Variants in PIGN observed in about 807,000 individuals in gnomAD.
PIGN encodes GPI ethanolamine phosphate transferase 1.
Under a neutral mutation model 125.4 loss-of-function variants are expected in PIGN, and 117 were observed. The ratio of observed to expected loss-of-function variants is 0.93; its 90% confidence interval spans 0.80 to 1.09. PIGN has a LOEUF of 1.09. Among genes scored for constraint, PIGN ranks in the 50% least tolerant of loss-of-function variants. PIGN has a pLI of 0.00. For synonymous variants in PIGN, 392 were observed against 377.8 expected, an observed-to-expected ratio of 1.04 and a Z score of -0.44; for missense variants, 1,075 against 1,094.9, an observed-to-expected ratio of 0.98 and a Z score of 0.26.
At chr18:62,081,423 G>A (rs1191167310) in intron 28 of PIGN, among the ~76,000 whole-genome samples, 1 of 152,104 alleles carries the variant, frequency 6.6e-6, no homozygotes, top group Non-Finnish European at 1.5e-5. Context: ...AATTTGATGA[G>A]TCAGTGTGAT....
rs1280082164 is a variant in PIGN at position 62,147,013 on chromosome 18, T to A, written c.763A>T (p.Thr255Ser). The part of the protein sequence containing the change: ...FNHFYGNDGK[T>S]TFIFTSDHGM... ...TGGTCAGAGGTAAAGATAAATGTTG[T>A]TTTCCCATCATTTCCATAGAAGTGG... The change falls in exon 9 of 31, where the codon ACA (threonine) becomes TCA (serine). Residue 255 changes from threonine to serine, a missense_variant. Thr to Ser is a moderately conservative substitution (Grantham distance 58). Coordinates refer to ENST00000640252, the MANE Select transcript of PIGN (RefSeq NM_176787.5). 1.2e-6 allele frequency: 2 copies of A among 1,612,236 alleles called. No homozygotes were observed. Among genetic ancestry groups the A allele is most frequent in the African/African-American group, 2.7e-5 (2 of 74,890 alleles).
In PIGN at chr18:62,161,167, C is replaced by T; in HGVS notation, c.187G>A (p.Asp63Asn). The change falls in exon 4 of 31, where the codon GAT (aspartate) becomes AAT (asparagine). Residue 63 changes from aspartate (D) to asparagine (N), a missense_variant. Physicochemically the swap from Asp to Asn is conservative, Grantham distance 23. Transcript: ENST00000640252. ...GGTGCTCTAGAGTTTCCATTTTCAT[C>T]TAATTCGTAAAGTGCATCTGCTCGA... Reference protein sequence around the residue: ...GLRADALYELDENGNSRAPFI... With the variant: ...GLRADALYELNENGNSRAPFI... 1.2e-6 allele frequency: 2 copies of T among 1,613,518 alleles called. No individual in the cohort carries two copies. The highest frequency in any genetic ancestry group is 1.7e-6 in the Non-Finnish European group (2 of 1,179,542).
intron 1 of PIGN, among the ~76,000 whole-genome samples, chr18:62,169,967 A>T (rs893057068): frequency 1.3e-5 from 2 of 152,154 alleles, no homozygotes; most frequent in Non-Finnish European, 2.9e-5. Context: ...GTTTTCCAAA[A>T]TTGTTGTACA....
chr18:62,109,810 A>C (rs1470387839), intron 17 of PIGN, 24 bp downstream of exon 17: 3 of 1,582,428 alleles, frequency 1.9e-6, no homozygotes, highest in Non-Finnish European at 2.6e-6. Context: ...GTGAAAAAAC[A>C]AGGCAGCAAG....
intron 30 of PIGN, chr18:62,051,876 T>C (rs1055314562): frequency 2.4e-4 from 36 of 152,104 alleles, no homozygotes; most frequent in Non-Finnish European, 1.9e-4. Flanking sequence ...GCTTTGAATG[T>C]GTCCCAGAGA....
At chr18:62,067,967 C>T (rs1326961699) in intron 30 of PIGN, among the ~76,000 whole-genome samples, 1 of 152,102 alleles carries the variant, frequency 6.6e-6, no homozygotes, top group South Asian at 2.1e-4. Flanking sequence ...ATTGCTGTGT[C>T]GTGTTTTAGG....
intron 23 of PIGN, among the ~76,000 whole-genome samples, chr18:62,031,608 A>G (rs1327266062): frequency 6.6e-6 from 1 of 152,216 alleles, no homozygotes; most frequent in Admixed American, 6.5e-5. Context: ...CCAAGGGGTC[A>G]GGGACCATCC....
intron 9 of PIGN, 74 bp from the exon 10 acceptor site, chr18:62,146,099 G>T: frequency 1.5e-6 from 1 of 660,898 alleles, no homozygotes; most frequent in Non-Finnish European, 2.5e-6. Flanking sequence ...TTTTAAAATA[G>T]TTTGTTTTAA....
intron 7 of PIGN, among the ~76,000 whole-genome samples, chr18:62,152,927 G>C (rs538802317): frequency 1.3e-5 from 2 of 151,880 alleles, no homozygotes; most frequent in South Asian, 2.1e-4. Context: ...CATGGATCTG[G>C]AAACTGTTTG....
At chr18:62,022,960 CTT>C (rs1230377183) in intron 23 of PIGN, among the ~76,000 whole-genome samples, 1 of 152,114 alleles carries the variant, frequency 6.6e-6, no homozygotes, top group Non-Finnish European at 1.5e-5. Context: ...CTTATAATGA[CTT>C]ATACAATGTA....
At chr18:62,122,882 T>C (rs1037042919) in intron 14 of PIGN, among the ~76,000 whole-genome samples, 1 of 152,160 alleles carries the variant, frequency 6.6e-6, no homozygotes, top group African/African-American at 2.4e-5. Context: ...AATGATAAAT[T>C]ATTCATCTAT....
chr18:62,105,575 C>T lies in PIGN; in HGVS notation c.1827G>A (p.Pro609=), dbSNP rs750102703. 24 of 1,553,540 alleles carry T rather than the reference C, an allele frequency of 1.5e-5. 1 individual carries two copies. Among genetic ancestry groups the T allele is most frequent in the Middle Eastern group, 3.3e-4 (2 of 6,004 alleles). Reference sequence around the variant, plus strand: ...AGATGTCTGGCTTTCGACCTACAACCGGCATCAGTGGGAACACTGCCAGGA... The same window carrying T: ...AGATGTCTGGCTTTCGACCTACAACTGGCATCAGTGGGAACACTGCCAGGA... ...SLLLAVFPLM[P]VVGRKPDISL... is the part of the protein sequence containing the mutation. Residue 609 remains proline (P), a synonymous_variant, in exon 20 of 31, where the codon CCG becomes CCA. Coordinates refer to ENST00000640252, the MANE Select transcript of PIGN (RefSeq NM_176787.5).
At position 62,147,080 on chromosome 18, in the gene PIGN, T is replaced by C. The variant is rs2036361581; in HGVS notation, c.696A>G (p.Lys232=). 6.2e-7 allele frequency: 1 copy of C among 1,604,320 alleles called. No homozygotes were observed. The highest frequency in any genetic ancestry group is 8.5e-7 in the Non-Finnish European group (1 of 1,172,154). The part of the protein sequence containing the change: ...PSSRDYKHNI[K]KVDDGVKEIV... Reference sequence around the variant, plus strand: ...TTTCTTTAACTCCATCATCAACTTTTTTAATATTGTGCTTGTAGTCTCTAT... The same window carrying C: ...TTTCTTTAACTCCATCATCAACTTTCTTAATATTGTGCTTGTAGTCTCTAT... Residue 232 remains lysine, a synonymous_variant, in exon 9 of 31, where the codon AAA becomes AAG. Coordinates refer to ENST00000640252, the MANE Select transcript of PIGN (RefSeq NM_176787.5).
chr18:62,044,462 T>G lies in PIGN; in HGVS notation c.*1394A>C, dbSNP rs2030519503. ...TTCTTAGTTGTCCAGCTAGATTTTA[T>G]GCTATGAACTGATGCATGAGATTTC... On this transcript the variant is annotated 3_prime_UTR_variant, in exon 31 of 31. Transcript: ENST00000640252. The G allele has an allele frequency of 6.6e-6, 1 of 152,232 alleles. No individual in the cohort carries two copies. The highest frequency in any genetic ancestry group is 1.5e-5 in the Non-Finnish European group (1 of 68,036). The allele number at this position is 152,232 out of a possible 1,614,324, so 9.4% of individuals were successfully genotyped here.
chr18:62,171,235 A>T (rs1302113455), intron 1 of PIGN, among the ~76,000 whole-genome samples: 2 of 152,128 alleles, frequency 1.3e-5, no homozygotes. Flanking sequence ...CCATCTTTAC[A>T]AATTTCATAT....
chr18:62,060,784 C>T (rs989671859), intron 30 of PIGN, among the ~76,000 whole-genome samples: 8 of 152,084 alleles, frequency 5.3e-5, no homozygotes, highest in East Asian at 1.9e-4. Flanking sequence ...GCATTGAGGA[C>T]GCAAATCTGA....
intron 17 of PIGN, 70 bp from the exon 18 acceptor site, chr18:62,107,155 C>T (rs996399345): frequency 6.3e-6 from 6 of 953,480 alleles, no homozygotes; most frequent in South Asian, 1.4e-5. Flanking sequence ...ACAAACTTTG[C>T]ACAAAGCTAA....
chr18:62,181,377 CT>C (rs1409948272), intron 1 of PIGN, among the ~76,000 whole-genome samples: 2 of 151,970 alleles, frequency 1.3e-5, no homozygotes, highest in Non-Finnish European at 2.9e-5. Context: ...CTTTTTTTTC[CT>C]GACCACCTAA....
chr18:62,129,602 T>C (rs1247852054), intron 14 of PIGN, among the ~76,000 whole-genome samples: 1 of 152,220 alleles, frequency 6.6e-6, no homozygotes, highest in African/African-American at 2.4e-5. Context: ...CATTGAATTA[T>C]CCCTTATCAT....
Sources: allele counts gnomAD v4.1 joint callset (sites outside exome capture counted in the v4.1 genomes callset), GRCh38; gene constraint gnomAD v4.1.1; transcripts MANE v1.5; gene names NCBI Gene and HGNC (gene_info 2026-07-23, HGNC 2026-07-21).